TMEM232: variants seen among roughly 807,000 people sequenced by gnomAD.
The protein encoded by TMEM232 is transmembrane protein 232.
In TMEM232, 80 loss-of-function variants were observed where a neutral mutation model predicts 78.8. That is an observed-to-expected ratio of 1.01 (90% CI 0.85 to 1.22). The LOEUF (loss-of-function observed/expected upper bound fraction) is 1.22. TMEM232 is among the 50% of genes most tolerant of loss of function. TMEM232 has a pLI of 0.00. For synonymous variants in TMEM232, 297 were observed against 254.3 expected (o/e 1.17, Z -1.60); for missense variants, 881 against 742.2 (o/e 1.19, Z -2.17).
At chr5:110,418,979 A>G (rs1756398225), downstream of TMEM232, among the ~76,000 whole-genome samples, 1 of 152,162 alleles carries the variant, frequency 6.6e-6, no homozygotes, top group Admixed American at 6.5e-5. Flanking sequence ...AGAGTTTGGT[A>G]AGGCTCATGT....
chr5:110,575,056 T>C (rs1446655235), intron 10 of TMEM232, among the ~76,000 whole-genome samples: 1 of 151,806 alleles, frequency 6.6e-6, no homozygotes, highest in Non-Finnish European at 1.5e-5. Context: ...ACAATAGAGA[T>C]AGGGGTAGAA....
At position 110,678,390 on chromosome 5, in the gene TMEM232, T is replaced by C. The variant is rs953068510; in HGVS notation, c.-12-11026A>G. Among the ~76,000 whole-genome samples, 3 of 152,098 alleles carry C rather than the reference T, an allele frequency of 2.0e-5. No homozygotes were observed. In the East Asian group the frequency reaches 5.8e-4, roughly 29 times the overall value. On this transcript the variant is annotated intron_variant, in intron 1 of 13. Coordinates refer to ENST00000455884, the MANE Select transcript of TMEM232 (RefSeq NM_001039763.4). ...TGACTTTACTTTTTTAGAGCAGTTTTAGAGCAAAATTGGAGAGGAAAGCAC... is the reference window on the plus strand; with the variant it reads ...TGACTTTACTTTTTTAGAGCAGTTTCAGAGCAAAATTGGAGAGGAAAGCAC...
At chr5:110,456,714 C>A (rs766572486) in intron 12 of TMEM232, among the ~76,000 whole-genome samples, 1 of 152,028 alleles carries the variant, frequency 6.6e-6, no homozygotes, top group Non-Finnish European at 1.5e-5. Flanking sequence ...GAGAAACATA[C>A]CTGCACATAC....
At chr5:110,432,367 T>G (rs188786260) in intron 12 of TMEM232, among the ~76,000 whole-genome samples, 121 of 151,778 alleles carry the variant, frequency 8.0e-4, no homozygotes, top group Non-Finnish European at 1.1e-3. Context: ...GTAAAGAATT[T>G]CAAATCCTGC....
At chr5:110,687,471 T>TA (rs1266665721) in intron 1 of TMEM232, among the ~76,000 whole-genome samples, 1 of 152,098 alleles carries the variant, frequency 6.6e-6, no homozygotes, top group Non-Finnish European at 1.5e-5. Flanking sequence ...ATAAATCTCC[T>TA]AATCATTTCA....
chr5:110,524,633 A>C (rs775014995), intron 12 of TMEM232, among the ~76,000 whole-genome samples: 31 of 152,130 alleles, frequency 2.0e-4, no homozygotes, highest in Non-Finnish European at 2.8e-4. Flanking sequence ...TGTTGGGTCG[A>C]AGGAATATCC....
chr5:110,388,479 G>T (rs1461011593), intron 4 of TMEM232, among the ~76,000 whole-genome samples: 1 of 152,152 alleles, frequency 6.6e-6, no homozygotes, highest in East Asian at 1.9e-4. Context: ...TGTCAGAAAA[G>T]AAAATGATTT....
chr5:110,496,660 G>A (rs537754017), intron 12 of TMEM232, among the ~76,000 whole-genome samples: 3 of 152,048 alleles, frequency 2.0e-5, no homozygotes, highest in South Asian at 2.1e-4. Context: ...CTCTTTGTCC[G>A]CAAGGCTCAT....
intron 1 of TMEM232, among the ~76,000 whole-genome samples, chr5:110,717,241 A>G (rs2150334226): frequency 6.6e-6 from 1 of 151,892 alleles, no homozygotes; most frequent in Admixed American, 6.6e-5. Context: ...TATGGCCATG[A>G]AATTTTATAT....
At chr5:110,644,022 G>C (rs1787106453) in intron 2 of TMEM232, among the ~76,000 whole-genome samples, 2 of 151,910 alleles carry the variant, frequency 1.3e-5, no homozygotes, top group African/African-American at 4.8e-5. Flanking sequence ...ACTAAGTTTT[G>C]CATTGCGGAT....
chr5:110,693,955 G>A (rs935177356), intron 1 of TMEM232, among the ~76,000 whole-genome samples: 2 of 151,996 alleles, frequency 1.3e-5, no homozygotes, highest in African/African-American at 4.8e-5. Flanking sequence ...TACAGAGAAT[G>A]CCACAAAGAT....
intron 12 of TMEM232, among the ~76,000 whole-genome samples, chr5:110,516,670 TAA>T (rs1768708066): frequency 6.6e-6 from 1 of 151,834 alleles, no homozygotes; most frequent in Non-Finnish European, 1.5e-5. Flanking sequence ...TAAAGAAAAG[TAA>T]AAAACATTCA....
At chr5:110,549,039 C>G (rs1774128978) in intron 11 of TMEM232, among the ~76,000 whole-genome samples, 1 of 151,650 alleles carries the variant, frequency 6.6e-6, no homozygotes, top group Admixed American at 6.6e-5. Context: ...ATAGAGATAA[C>G]AGAAATTAGA....
intron 11 of TMEM232, among the ~76,000 whole-genome samples, chr5:110,554,256 A>C (rs1417338003): frequency 1.3e-5 from 2 of 152,094 alleles, no homozygotes; most frequent in Non-Finnish European, 2.9e-5. Flanking sequence ...GCAGGCAGAA[A>C]AATGTGAAAA....
chr5:110,738,341 T>C (rs1355550904), upstream of TMEM232: 2 of 910,644 alleles, frequency 2.2e-6, no homozygotes, highest in Admixed American at 4.3e-5. Flanking sequence ...CCCTGAGTGA[T>C]TTAGACACAT....
chr5:110,596,174 A>C (rs1780138341), intron 10 of TMEM232, among the ~76,000 whole-genome samples: 1 of 152,178 alleles, frequency 6.6e-6, no homozygotes, highest in African/African-American at 2.4e-5. Context: ...AAAAATGATA[A>C]AGGGGATATC....
intron 3 of TMEM232, among the ~76,000 whole-genome samples, chr5:110,393,937 G>A (rs1315192433): frequency 3.9e-5 from 5 of 129,256 alleles, no homozygotes; most frequent in Middle Eastern, 5.4e-3. Context: ...CAGCCTAGGT[G>A]ACAAGAGTGA....
intron 12 of TMEM232, among the ~76,000 whole-genome samples, chr5:110,517,549 T>C (rs1156572579): frequency 6.6e-6 from 1 of 152,204 alleles, no homozygotes; most frequent in African/African-American, 2.4e-5. Flanking sequence ...ACCTCTGTTT[T>C]ACCCAGAGAT....
chr5:110,606,243 T>C lies in TMEM232; in HGVS notation c.947A>G (p.Lys316Arg). The C allele has an allele frequency of 6.5e-7, 1 of 1,543,684 alleles. No individual in the cohort carries two copies. The highest frequency in any genetic ancestry group is 8.8e-7 in the Non-Finnish European group (1 of 1,141,376). The change falls in exon 9 of 14, where the codon AAA becomes AGA. Residue 316 changes from lysine to arginine, a missense_variant. By Grantham distance (26) the Lys-to-Arg change is conservative. Transcript: ENST00000455884. ...AGCTTTCAAGCAGGCCATGTTTAAT[T>C]TGGCAGCCTCCCCAAGGACCAGTAA... ...LALLVLGEAA[K>R]LNMACLKALM...
Sources: gnomAD v4.1 joint callset for allele counts (sites outside exome capture counted in the v4.1 genomes callset) on GRCh38, gnomAD v4.1.1 for gene constraint, MANE v1.5 for transcripts, NCBI Gene and HGNC (gene_info 2026-07-23, HGNC 2026-07-21) for gene names.